Variants in MAST2 observed in about 807,000 individuals in gnomAD.
MAST2 encodes microtubule-associated serine/threonine-protein kinase 2.
Under a neutral mutation model 147.4 loss-of-function variants are expected in MAST2, and 70 were observed. The ratio of observed to expected loss-of-function variants is 0.47; its 90% confidence interval spans 0.39 to 0.58. The LOEUF (loss-of-function observed/expected upper bound fraction) is 0.58. Among genes scored for constraint, MAST2 ranks in the 20% least tolerant of loss-of-function variants. The pLI is 0.00. For missense variants in MAST2, 2,080 were observed against 2,302.3 expected (o/e 0.90, Z 1.98); for synonymous variants, 869 against 896.8 (o/e 0.97, Z 0.55).
chr1:46,005,747 C>G (rs1389019735), intron 7 of MAST2, among the ~76,000 whole-genome samples: 1 of 152,126 alleles, frequency 6.6e-6, no homozygotes, highest in African/African-American at 2.4e-5. Context: ...TTTGCTAACC[C>G]CTGGCACAAT....
In MAST2 at chr1:46,035,603, C is replaced by T. The variant is rs1035649014; in HGVS notation, c.4934C>T (p.Pro1645Leu). Residue 1645 changes from proline (P) to leucine (L), a missense_variant, in exon 29 of 29, where the codon CCT (proline) becomes CTT (leucine). Coordinates refer to ENST00000361297, the MANE Select transcript of MAST2 (RefSeq NM_015112.3). The surrounding 1 kb of genome is among the most constrained non-coding windows in gnomAD (Gnocchi z 5.5). Reference protein sequence around the residue: ...SGLTPTSSCSPPSSTSGKLSM... With the variant: ...SGLTPTSSCSLPSSTSGKLSM... ...CTCACCCCCACCAGCAGTTGCTCTCCTCCCAGCTCCACCTCTGGGAAGCTG... is the reference window on the plus strand; with the variant it reads ...CTCACCCCCACCAGCAGTTGCTCTCTTCCCAGCTCCACCTCTGGGAAGCTG... The T allele has an allele frequency of 5.6e-6, 9 of 1,613,764 alleles. No individual in the cohort carries two copies. Among genetic ancestry groups the T allele is most frequent in the Non-Finnish European group, 7.6e-6 (9 of 1,180,030 alleles).
intron 5 of MAST2, among the ~76,000 whole-genome samples, chr1:45,979,595 G>A (rs1386868195): frequency 2.6e-5 from 4 of 152,092 alleles, no homozygotes; most frequent in African/African-American, 9.7e-5. Flanking sequence ...GTCAACACCT[G>A]GGGAAGCCAA....
intron 1 of MAST2, among the ~76,000 whole-genome samples, chr1:45,818,332 G>A (rs553619948): frequency 6.6e-6 from 1 of 152,310 alleles, no homozygotes; most frequent in African/African-American, 2.4e-5. Flanking sequence ...TTTGATGCAA[G>A]TTTGGCTTTG....
rs1218735016 is a variant in MAST2, at chr1:46,035,435, T to C, written c.4766T>C (p.Ile1589Thr). 1.2e-6 allele frequency: 2 copies of C among 1,613,012 alleles called. No homozygotes were observed. ...AGGAGGCTCGGGAGCCCACAAGCCATTGAGGAGGCTGCCAGCTCCTCCTCA... is the reference window on the plus strand; with the variant it reads ...AGGAGGCTCGGGAGCCCACAAGCCACTGAGGAGGCTGCCAGCTCCTCCTCA... ...PHRRLGSPQAIEEAASSSSAG... is the reference protein window; with the variant it reads ...PHRRLGSPQATEEAASSSSAG... Residue 1589 changes from isoleucine (I) to threonine (T), a missense_variant, in exon 29 of 29, where the codon ATT becomes ACT. Ile to Thr is a moderately conservative substitution (Grantham distance 89). Coordinates refer to ENST00000361297, the MANE Select transcript of MAST2 (RefSeq NM_015112.3). The surrounding 1 kb of genome is among the most constrained non-coding windows in gnomAD (Gnocchi z 5.5).
At position 46,023,644 on chromosome 1, in the gene MAST2, T is replaced by C; in HGVS notation, c.1572-128T>C. 2 of 812,126 alleles carry C rather than the reference T, an allele frequency of 2.5e-6. No homozygotes were observed. Among genetic ancestry groups the C allele is most frequent in the South Asian group, 3.4e-5 (2 of 58,188 alleles). 50.3% of individuals were successfully genotyped at this position (812,126 alleles called of 1,614,324 possible). A position where few individuals can be genotyped will look rare whatever the true frequency, so the allele number is the denominator to read the frequency against. On this transcript the variant is annotated intron_variant, in intron 14 of 28. Transcript: ENST00000361297. This position sits in a 1 kb window ranked among gnomAD's most constrained non-coding sequence, Gnocchi z 4.9. ...CCAGGGGGTCCCAGACCCTTCTCAC[T>C]GATATGCATGCCCTTGCCCCCTTGT... is the stretch of plus-strand genomic sequence containing the variant.
At chr1:45,875,750 T>G (rs1646578998) in intron 3 of MAST2, among the ~76,000 whole-genome samples, 1 of 151,988 alleles carries the variant, frequency 6.6e-6, no homozygotes, top group Non-Finnish European at 1.5e-5. Flanking sequence ...CTGGGTTTGG[T>G]GGTACCATCA....
chr1:45,809,889 T>C (rs965070372), intron 1 of MAST2, among the ~76,000 whole-genome samples: 1 of 152,242 alleles, frequency 6.6e-6, no homozygotes, highest in Non-Finnish European at 1.5e-5. Flanking sequence ...TAGTCTTATC[T>C]CATTTTGTTT....
At chr1:46,019,734 A>AGAG in intron 11 of MAST2, 37 bp downstream of exon 11, 2 of 1,556,556 alleles carry the variant, frequency 1.3e-6, no homozygotes. Context: ...GGGCAGATTT[A>AGAG]GAGGAGGACT....
chr1:46,036,068 AGTT>A lies in MAST2; in HGVS notation c.*6_*8del. 1.9e-6 allele frequency: 3 copies of A among 1,596,450 alleles called. No individual in the cohort carries two copies. Among genetic ancestry groups the A allele is most frequent in the Middle Eastern group, 1.7e-4 (1 of 5,964 alleles). The stretch of plus-strand genomic sequence containing the variant: ...GATGAGCTTTTAAAGCAAACATAGC[AGTT>A]GTTTGCCATTTCTTGCACTCAGACC... On this transcript the variant is annotated 3_prime_UTR_variant, in exon 29 of 29. Transcript: ENST00000361297.
At chr1:46,008,205 G>A in intron 8 of MAST2, 91 bp from the exon 9 acceptor site, 1 of 783,072 alleles carries the variant, frequency 1.3e-6, no homozygotes. Flanking sequence ...TGCTGAAGAT[G>A]GTGGGAGGGG....
chr1:46,032,749 C>A (rs770025826), intron 26 of MAST2, 31 bp downstream of exon 26: 1 of 1,599,010 alleles, frequency 6.3e-7, no homozygotes, highest in Non-Finnish European at 8.5e-7. Context: ...CTGCATGGTC[C>A]CTGAATGACC....
intron 4 of MAST2, among the ~76,000 whole-genome samples, chr1:45,891,875 GC>G (rs1647854354): frequency 1.3e-5 from 2 of 151,986 alleles, no homozygotes; most frequent in Admixed American, 1.3e-4. Flanking sequence ...GTATTTTGAG[GC>G]TAGGAAGGCA....
At chr1:45,899,218 T>C (rs1649300962) in intron 4 of MAST2, among the ~76,000 whole-genome samples, 1 of 151,792 alleles carries the variant, frequency 6.6e-6, no homozygotes, top group African/African-American at 2.4e-5. Context: ...TCTTGATCAA[T>C]TTTTTTTAAT....
At chr1:46,027,595 C>T (rs1646467218) in intron 16 of MAST2, 136 bp from the exon 17 acceptor site, 1 of 888,942 alleles carries the variant, frequency 1.1e-6, no homozygotes, top group African/African-American at 1.7e-5. Context: ...CTGCCTGTCC[C>T]CCCAGCTGAA....
intron 5 of MAST2, among the ~76,000 whole-genome samples, chr1:45,981,750 A>G (rs934917822): frequency 7.2e-5 from 11 of 151,926 alleles, no homozygotes; most frequent in Non-Finnish European, 1.5e-4. Context: ...TAATATTCCT[A>G]GTCAGATTTT....
intron 1 of MAST2, among the ~76,000 whole-genome samples, chr1:45,816,770 C>T (rs1033686393): frequency 1.3e-5 from 2 of 152,112 alleles, no homozygotes; most frequent in Non-Finnish European, 2.9e-5. Context: ...CTCTGCCTCC[C>T]AGGTTCAAGC....
chr1:45,980,065 A>G (rs993217856), intron 5 of MAST2, among the ~76,000 whole-genome samples: 1 of 152,124 alleles, frequency 6.6e-6, no homozygotes, highest in South Asian at 2.1e-4. Context: ...CAGGTGGATC[A>G]CTTGAGGTCA....
chr1:45,934,082 T>C (rs1339505046), intron 4 of MAST2, among the ~76,000 whole-genome samples: 1 of 152,102 alleles, frequency 6.6e-6, no homozygotes, highest in Non-Finnish European at 1.5e-5. Flanking sequence ...CCCTCCACCC[T>C]GATGTAGGCC....
chr1:46,014,707 C>G (rs951299346), intron 10 of MAST2, among the ~76,000 whole-genome samples: 1 of 152,056 alleles, frequency 6.6e-6, no homozygotes, highest in Non-Finnish European at 1.5e-5. Context: ...GAGACTTAGA[C>G]TCCCACACAA....
Sources: gnomAD v4.1 joint callset for allele counts (sites outside exome capture counted in the v4.1 genomes callset) on GRCh38, gnomAD v4.1.1 for gene constraint, Gnocchi (gnomAD v3.1) non-coding constraint, MANE v1.5 for transcripts, NCBI Gene and HGNC (gene_info 2026-07-23, HGNC 2026-07-21) for gene names.